FRZB: variants seen among roughly 807,000 people sequenced by gnomAD.
FRZB encodes secreted frizzled-related protein 3.
In FRZB, 34 loss-of-function variants were observed where a neutral mutation model predicts 32.5. The ratio of observed to expected loss-of-function variants is 1.05; its 90% CI spans 0.80 to 1.39. The LOEUF is 1.39. Among genes scored for constraint, FRZB ranks in the 40% most tolerant of loss-of-function variants. The pLI is 0.00. For missense variants in FRZB, 423 were observed against 424.8 expected (o/e 1.00, Z 0.04); for synonymous variants, 170 against 159.2 (o/e 1.07, Z -0.51).
chr2:182,863,033 G>A (rs1037314697), intron 1 of FRZB, among the ~76,000 whole-genome samples: 1 of 152,174 alleles, frequency 6.6e-6, no homozygotes, highest in Admixed American at 6.5e-5. Flanking sequence ...GCCTTCCAAA[G>A]TGCTGAGATT....
At position 182,866,214 on chromosome 2, in the gene FRZB, C is replaced by A. The variant is rs1165588776; in HGVS notation, c.339G>T (p.Glu113Asp). 6.2e-7 allele frequency: 1 copy of A among 1,614,224 alleles called. No individual in the cohort carries two copies. Among genetic ancestry groups the A allele is most frequent in the African/African-American group, 1.3e-5 (1 of 75,060 alleles). ...EPIKPCKSVCERARQGCEPIL... is the reference protein window; with the variant it reads ...EPIKPCKSVCDRARQGCEPIL... ...TGGGCTCACAGCCCTGCCGGGCCCG[C>A]TCGCACACAGACTTACAGGGCTTGA... Residue 113 changes from glutamate to aspartate, a missense_variant, in exon 1 of 6, where the codon GAG becomes GAT. Physicochemically the swap from Glu to Asp is conservative, Grantham distance 45. Transcript: ENST00000295113. The surrounding 1 kb of genome is among the most constrained non-coding windows in gnomAD (Gnocchi z 4.5).
In FRZB at chr2:182,834,708, GAAGT is replaced by G. The variant is rs1304017367; in HGVS notation, c.*137_*140del. 15 of 682,056 alleles carry G rather than the reference GAAGT, an allele frequency of 2.2e-5. No homozygotes were observed. Among genetic ancestry groups the G allele is most frequent in the Non-Finnish European group, 3.2e-5 (12 of 375,474 alleles). 42.3% of individuals were successfully genotyped at this position (682,056 alleles called of 1,614,324 possible). On this transcript the variant is annotated 3_prime_UTR_variant, in exon 6 of 6. Coordinates refer to ENST00000295113, the MANE Select transcript of FRZB (RefSeq NM_001463.4). ...AGAAGCAGAAACCAAAAGAGAAACAGAAGTAATAATCAGTTATCACATGATTTTT... is the reference window on the plus strand; with the variant it reads ...AGAAGCAGAAACCAAAAGAGAAACAGAATAATCAGTTATCACATGATTTTT...
intron 3 of FRZB, among the ~76,000 whole-genome samples, chr2:182,840,823 T>A (rs1574982833): frequency 6.6e-6 from 1 of 152,118 alleles, no homozygotes; most frequent in East Asian, 1.9e-4. Flanking sequence ...ACCTTCACTT[T>A]CCATGACTTG....
intron 2 of FRZB, among the ~76,000 whole-genome samples, chr2:182,846,414 T>C (rs193231040): frequency 1.1e-3 from 171 of 152,334 alleles, no homozygotes; most frequent in Non-Finnish European, 1.9e-3. Flanking sequence ...CTACTATGTT[T>C]GAGTGGATAT....
At chr2:182,835,086 A>G (rs1182426074) in intron 5 of FRZB, 121 bp from the exon 6 acceptor site, 2 of 708,732 alleles carry the variant, frequency 2.8e-6, no homozygotes, top group African/African-American at 3.5e-5. Context: ...CTACTTTTCC[A>G]AAAGTATCAA....
At chr2:182,841,071 A>T (rs1056524416) in intron 3 of FRZB, among the ~76,000 whole-genome samples, 31 of 152,102 alleles carry the variant, frequency 2.0e-4, no homozygotes, top group Non-Finnish European at 5.9e-5. Flanking sequence ...AGGCTTCTTC[A>T]CATCAATCTG....
intron 2 of FRZB, 66 bp from the exon 3 acceptor site, chr2:182,842,609 C>CA: frequency 7.5e-7 from 1 of 1,337,890 alleles, no homozygotes; most frequent in Admixed American, 1.7e-5. Flanking sequence ...TGCTCAGACT[C>CA]ACATTTTTTG....
intron 1 of FRZB, among the ~76,000 whole-genome samples, chr2:182,859,796 T>A (rs543955180): frequency 1.3e-5 from 2 of 152,262 alleles, no homozygotes; most frequent in East Asian, 3.9e-4. Flanking sequence ...TAAAAAGCAA[T>A]ATCCAAGAAA....
intron 2 of FRZB, among the ~76,000 whole-genome samples, chr2:182,852,596 T>A (rs1189260421): frequency 2.6e-5 from 4 of 152,150 alleles, no homozygotes. Flanking sequence ...CATAAATTGG[T>A]CACCCTCACA....
chr2:182,842,422 T>A, intron 3 of FRZB, 56 bp downstream of exon 3: 1 of 1,250,912 alleles, frequency 8.0e-7, no homozygotes, highest in South Asian at 1.2e-5. Flanking sequence ...CATAGGTGCA[T>A]CCACACACCT....
At chr2:182,865,534 G>A (rs767438332) in intron 1 of FRZB, among the ~76,000 whole-genome samples, 2 of 152,106 alleles carry the variant, frequency 1.3e-5, no homozygotes, top group East Asian at 1.9e-4. Flanking sequence ...AACATCTGTC[G>A]GTTAGAGTAA....
In FRZB at chr2:182,838,452, C is replaced by G; in HGVS notation, c.754G>C (p.Glu252Gln). Residue 252 changes from glutamate (E) to glutamine (Q), a missense_variant, in exon 4 of 6, where the codon GAG (glutamate) becomes CAG (glutamine). Glu to Gln is a conservative substitution (Grantham distance 29). Transcript: ENST00000295113. The stretch of plus-strand genomic sequence containing the variant: ...TCATAGCCCATGATGATATATTCCT[C>G]ATTAACATTAAGTGGAGGGCAGAGG... The part of the protein sequence containing the change: ...GCLCPPLNVN[E>Q]EYIIMGYEDE... 6.2e-7 allele frequency: 1 copy of G among 1,612,802 alleles called. No individual in the cohort carries two copies. The highest frequency in any genetic ancestry group is 8.5e-7 in the Non-Finnish European group (1 of 1,179,136).
At chr2:182,865,939 T>G in intron 1 of FRZB, 136 bp downstream of exon 1, 1 of 693,206 alleles carries the variant, frequency 1.4e-6, no homozygotes, top group Non-Finnish European at 2.4e-6. Flanking sequence ...AAGAAGGGTC[T>G]TTGATAGAGG....
intron 2 of FRZB, among the ~76,000 whole-genome samples, chr2:182,844,729 T>C (rs1695622264): frequency 6.6e-6 from 1 of 152,176 alleles, no homozygotes; most frequent in South Asian, 2.1e-4. Context: ...TTTTTTTAAA[T>C]TATATTACAA....
At chr2:182,845,736 C>A (rs1438596444) in intron 2 of FRZB, among the ~76,000 whole-genome samples, 2 of 152,148 alleles carry the variant, frequency 1.3e-5, no homozygotes, top group East Asian at 3.9e-4. Flanking sequence ...CATTTACCAG[C>A]AGCCATGGAA....
At chr2:182,851,734 G>C (rs774908053) in intron 2 of FRZB, among the ~76,000 whole-genome samples, 1 of 152,036 alleles carries the variant, frequency 6.6e-6, no homozygotes, top group African/African-American at 2.4e-5. Flanking sequence ...TACTCAAAGA[G>C]TACCCAGGTA....
intron 5 of FRZB, 80 bp from the exon 6 acceptor site, chr2:182,835,045 G>C (rs532661009): frequency 1.0e-6 from 1 of 994,952 alleles, no homozygotes; most frequent in East Asian, 2.4e-5. Context: ...AACTGGGTCA[G>C]ACTGCAAGTT....
At chr2:182,854,687 C>G (rs778186857) in intron 2 of FRZB, among the ~76,000 whole-genome samples, 2 of 152,222 alleles carry the variant, frequency 1.3e-5, no homozygotes, top group Non-Finnish European at 2.9e-5. Context: ...GAATCTTACC[C>G]TCTGATTGGA....
chr2:182,852,070 T>C (rs137949282), intron 2 of FRZB, among the ~76,000 whole-genome samples: 3 of 152,336 alleles, frequency 2.0e-5, no homozygotes, highest in African/African-American at 4.8e-5. Flanking sequence ...TATTTGTCTA[T>C]CCTTTTTTTT....
Sources: allele counts gnomAD v4.1 joint callset (sites outside exome capture counted in the v4.1 genomes callset), GRCh38; gene constraint gnomAD v4.1.1; non-coding constraint Gnocchi (gnomAD v3.1); transcripts MANE v1.5; gene names NCBI Gene and HGNC (gene_info 2026-07-23, HGNC 2026-07-21).